Variants in CLSTN3 observed in about 807,000 individuals in gnomAD.
The protein encoded by CLSTN3 is calsyntenin-3.
A neutral mutation model predicts 95.9 loss-of-function variants in CLSTN3; 36 were observed. The observed-to-expected ratio is 0.38, with a 90% CI of 0.29 to 0.50. The LOEUF is 0.50. Ranked by LOEUF, CLSTN3 falls within the 20% of genes least tolerant of loss-of-function variation. The pLI is 0.95. For missense variants in CLSTN3, 1,084 were observed against 1,268.8 expected, an observed-to-expected ratio of 0.85 and a Z score of 2.21; for synonymous variants, 481 against 504.0, an observed-to-expected ratio of 0.95 and a Z score of 0.61.
At chr12:7,146,225 C>G (rs1325117697) in intron 12 of CLSTN3, among the ~76,000 whole-genome samples, 1 of 152,140 alleles carries the variant, frequency 6.6e-6, no homozygotes, top group Non-Finnish European at 1.5e-5. Flanking sequence ...GGGAGGATCA[C>G]TTAAGGCCAG....
Position 7,149,299 on chromosome 12 carries a change from A to G in CLSTN3, c.2074+101A>G, listed in dbSNP as rs1939681186. The stretch of plus-strand genomic sequence containing the variant: ...GGGGCTGGAAGCAGAAAGCGACTCC[A>G]TCCTGTGTTTGTTTGACTGAACAAC... On this transcript the variant is annotated intron_variant, in intron 13 of 17. Transcript: ENST00000266546. This position sits in a 1 kb window ranked among gnomAD's most constrained non-coding sequence, Gnocchi z 4.5. 3 of 1,098,654 alleles carry G rather than the reference A, an allele frequency of 2.7e-6. No individual in the cohort carries two copies. Among genetic ancestry groups the G allele is most frequent in the Non-Finnish European group, 2.7e-6 (2 of 745,708 alleles). 68.1% of individuals were successfully genotyped at this position (1,098,654 alleles called of 1,614,324 possible). A position where few individuals can be genotyped will look rare whatever the true frequency, so the allele number is the denominator to read the frequency against.
At chr12:7,142,344 T>C (rs1939540940) in intron 10 of CLSTN3, among the ~76,000 whole-genome samples, 1 of 151,910 alleles carries the variant, frequency 6.6e-6, no homozygotes, top group African/African-American at 2.4e-5. Context: ...TATCCTGTCC[T>C]GCCCACAGAA....
rs142400340 is a variant in CLSTN3, at chr12:7,154,158, C to T, written c.2527+3095C>T. Among the ~76,000 whole-genome samples, 273 of 152,314 alleles carry T rather than the reference C, an allele frequency of 1.8e-3. 2 individuals are homozygous for T. The highest frequency in any genetic ancestry group is 6.4e-3 in the African/African-American group (264 of 41,562). ...TGACAGGCCATTCACGGCATAAAACCCTTTCCATATGCCTTTTCTGACTCC... is the reference window on the plus strand; with the variant it reads ...TGACAGGCCATTCACGGCATAAAACTCTTTCCATATGCCTTTTCTGACTCC... On this transcript the variant is annotated intron_variant, in intron 16 of 17. Transcript: ENST00000266546.
At chr12:7,140,003 TA>T (rs1446940892) in intron 8 of CLSTN3, among the ~76,000 whole-genome samples, 1 of 152,164 alleles carries the variant, frequency 6.6e-6, no homozygotes, top group East Asian at 1.9e-4. Context: ...TGAAGGTATC[TA>T]ATGGTGACAG....
At chr12:7,129,632 A>G (rs1939240298), upstream of CLSTN3, 3 of 985,364 alleles carry the variant, frequency 3.0e-6, no homozygotes, top group Non-Finnish European at 2.4e-6. The surrounding 1 kb of genome is among the most constrained non-coding windows in gnomAD (Gnocchi z 5.5). Flanking sequence ...CATGCTTTCC[A>G]GATGTATTTC....
chr12:7,137,411 A>G lies in CLSTN3; in HGVS notation c.1210+301A>G, dbSNP rs1939447261. On this transcript the variant is annotated intron_variant, in intron 7 of 17. Transcript: ENST00000266546. This position sits in a 1 kb window ranked among gnomAD's most constrained non-coding sequence, Gnocchi z 4.4. ...CACCCCCCATCTCCACCTCCATTAAAGCCCCTCCATTGCAATGGGAAAGCC... is the reference window on the plus strand; with the variant it reads ...CACCCCCCATCTCCACCTCCATTAAGGCCCCTCCATTGCAATGGGAAAGCC... 3.3e-5 allele frequency: 13 copies of G among 388,372 alleles called. No individual in the cohort carries two copies. The South Asian group carries it at 3.7e-4, about 11-fold the overall frequency. The allele number at this position is 388,372 out of a possible 1,614,324, so 24.1% of individuals were successfully genotyped here. A position where few individuals can be genotyped will look rare whatever the true frequency, so the allele number is the denominator to read the frequency against.
In CLSTN3 at chr12:7,151,013, C is replaced by G. The variant is rs1939714234; in HGVS notation, c.2477C>G (p.Pro826Arg). The change falls in exon 16 of 18, where the codon CCC becomes CGC. Residue 826 changes from proline to arginine, a missense_variant. Coordinates refer to ENST00000266546, the MANE Select transcript of CLSTN3 (RefSeq NM_014718.4). ...CAGTTCCTGCACCGTGGTCACCAGC[C>G]CCCGCCTGAGATGGCTGGACACAGC... Reference protein sequence around the residue: ...SQQFLHRGHQPPPEMAGHSLA... With the variant: ...SQQFLHRGHQRPPEMAGHSLA... 6.2e-7 allele frequency: 1 copy of G among 1,612,522 alleles called. No homozygotes were observed. Among genetic ancestry groups the G allele is most frequent in the Admixed American group, 1.7e-5 (1 of 59,784 alleles).
At chr12:7,145,752 A>G (rs2135808578) in intron 12 of CLSTN3, among the ~76,000 whole-genome samples, 1 of 152,228 alleles carries the variant, frequency 6.6e-6, no homozygotes, top group East Asian at 1.9e-4. Context: ...TGCTGAAATA[A>G]TCAACTGCAA....
At chr12:7,151,271 C>A in intron 16 of CLSTN3, 1 of 519,752 alleles carries the variant, frequency 1.9e-6, no homozygotes, top group Non-Finnish European at 3.2e-6. Flanking sequence ...GAACATGAGC[C>A]TTGTGTCATT....
intron 16 of CLSTN3, chr12:7,156,796 C>G: frequency 2.2e-6 from 1 of 455,868 alleles, no homozygotes; most frequent in South Asian, 1.6e-5. Flanking sequence ...GGCTGCAGGG[C>G]CAGAAGCATG....
In CLSTN3 at chr12:7,157,462, C is replaced by G; in HGVS notation, c.2528-27C>G. 6.5e-7 allele frequency: 1 copy of G among 1,533,136 alleles called. No individual in the cohort carries two copies. The highest frequency in any genetic ancestry group is 8.8e-7 in the Non-Finnish European group (1 of 1,138,532). The allele number at this position is 1,533,136 out of a possible 1,614,324, so 95.0% of individuals were successfully genotyped here. A position where few individuals can be genotyped will look rare whatever the true frequency, so the allele number is the denominator to read the frequency against. Reference sequence around the variant, plus strand: ...GCCCCCAGGTGTGCCTAGTCACGCTCTGCTCACCCCCGCGCTCTCTCTGCA... The same window carrying G: ...GCCCCCAGGTGTGCCTAGTCACGCTGTGCTCACCCCCGCGCTCTCTCTGCA... On this transcript the variant is annotated intron_variant, in intron 16 of 17. Transcript: ENST00000266546. The surrounding 1 kb of genome is among the most constrained non-coding windows in gnomAD (Gnocchi z 5.9).
chr12:7,156,661 G>A (rs1334058406), intron 16 of CLSTN3: 2 of 456,772 alleles, frequency 4.4e-6, no homozygotes, highest in Admixed American at 2.3e-5. Flanking sequence ...TCCTGAGCAT[G>A]TACCTGTGCA....
Position 7,135,359 on chromosome 12 carries a change from A to G in CLSTN3, c.416A>G (p.Asn139Ser). The change falls in exon 4 of 18, where the codon AAC becomes AGC. Residue 139 changes from asparagine to serine, a missense_variant. Asn to Ser is a conservative substitution (Grantham distance 46). Coordinates refer to ENST00000266546, the MANE Select transcript of CLSTN3 (RefSeq NM_014718.4). ...ATVHVRVNDV[N>S]EFAPVFVERL... Reference sequence around the variant, plus strand: ...GTGCATGTGCGGGTCAACGATGTGAACGAGTTTGCCCCAGTGTTTGTGGAA... The same window carrying G: ...GTGCATGTGCGGGTCAACGATGTGAGCGAGTTTGCCCCAGTGTTTGTGGAA... The G allele has an allele frequency of 1.2e-6, 2 of 1,614,062 alleles. No homozygotes were observed. The highest frequency in any genetic ancestry group is 1.7e-6 in the Non-Finnish European group (2 of 1,179,992).
chr12:7,129,128 A>C (rs1353785566), upstream of CLSTN3: 1 of 305,230 alleles, frequency 3.3e-6, no homozygotes, highest in African/African-American at 2.2e-5. The surrounding 1 kb of genome is among the most constrained non-coding windows in gnomAD (Gnocchi z 5.5). Context: ...AGTCATCCAA[A>C]ACTCAGCCAT....
rs1939458678 is a variant in CLSTN3, at chr12:7,137,881, C to T, written c.1211-74C>T. On this transcript the variant is annotated intron_variant, in intron 7 of 17. Transcript: ENST00000266546. The surrounding 1 kb of genome is among the most constrained non-coding windows in gnomAD (Gnocchi z 4.4). ...GAGGATTAAGAGAATCCAACATCCT[C>T]TCCTTCCTGCTGCTTTGAACTTGTT... is the stretch of plus-strand genomic sequence containing the variant. 1 of 1,077,918 alleles carries T rather than the reference C, an allele frequency of 9.3e-7. No individual in the cohort carries two copies. Among genetic ancestry groups the T allele is most frequent in the East Asian group, 2.5e-5 (1 of 40,562 alleles). The allele number at this position is 1,077,918 out of a possible 1,614,324, so 66.8% of individuals were successfully genotyped here.
intron 12 of CLSTN3, among the ~76,000 whole-genome samples, chr12:7,147,309 A>C (rs781690940): frequency 6.3e-5 from 9 of 142,002 alleles, no homozygotes; most frequent in Non-Finnish European, 1.2e-4. Flanking sequence ...CTGAGGCACG[A>C]GATTGCTTGA....
At chr12:7,144,033 C>G (rs1565651886) in intron 12 of CLSTN3, among the ~76,000 whole-genome samples, 1 of 152,076 alleles carries the variant, frequency 6.6e-6, no homozygotes, top group Non-Finnish European at 1.5e-5. Context: ...TCAAGACCAG[C>G]CTGGCCAACA....
At position 7,149,550 on chromosome 12, in the gene CLSTN3, T is replaced by C. The variant is rs1939687138; in HGVS notation, c.2102T>C (p.Ile701Thr). 2 of 1,613,922 alleles carry C rather than the reference T, an allele frequency of 1.2e-6. No individual in the cohort carries two copies. Among genetic ancestry groups the C allele is most frequent in the Non-Finnish European group, 1.7e-6 (2 of 1,179,904 alleles). Residue 701 changes from isoleucine to threonine, a missense_variant, in exon 14 of 18, where the codon ATT becomes ACT. Transcript: ENST00000266546. The surrounding 1 kb of genome is among the most constrained non-coding windows in gnomAD (Gnocchi z 4.5). ...TVTDTRMSDE[I>T]VHNLDGCEIS... ...ACAGACACACGCATGTCGGATGAGA[T>C]TGTGCACAACCTGGATGGCTGTGAA... is the stretch of plus-strand genomic sequence containing the variant.
In CLSTN3 at chr12:7,149,982, G is replaced by A. The variant is rs1236623147; in HGVS notation, c.2245+289G>A. 1.3e-5 allele frequency among the ~76,000 whole-genome samples: 2 copies of A among 152,008 alleles called. No homozygotes were observed. The highest frequency in any genetic ancestry group is 2.9e-5 in the Non-Finnish European group (2 of 68,020). On this transcript the variant is annotated intron_variant, in intron 14 of 17. Transcript: ENST00000266546. The surrounding 1 kb of genome is among the most constrained non-coding windows in gnomAD (Gnocchi z 4.5). ...GCTTCTCACCTTCCTCTCCTCCTTC[G>A]GCTCATCTCTGCCCAGCTTTCTAAC...
Sources: gnomAD v4.1 joint callset for allele counts (sites outside exome capture counted in the v4.1 genomes callset) on GRCh38, gnomAD v4.1.1 for gene constraint, Gnocchi (gnomAD v3.1) non-coding constraint, MANE v1.5 for transcripts, NCBI Gene and HGNC (gene_info 2026-07-23, HGNC 2026-07-21) for gene names.